Variants in ALG11 observed in about 807,000 individuals in gnomAD.
ALG11 encodes the protein GDP-Man:Man(3)GlcNAc(2)-PP-Dol alpha-1,2-mannosyltransferase.
Under a neutral mutation model 38.8 loss-of-function variants are expected in ALG11, and 26 were observed. That is an observed-to-expected ratio of 0.67 (90% CI 0.49 to 0.93). The LOEUF (loss-of-function observed/expected upper bound fraction) is 0.93. ALG11 is among the 40% of genes least tolerant of loss of function. The probability of loss-of-function intolerance (pLI) is 0.00; values close to 1 mark genes in which losing one functional copy is unlikely to be tolerated. For synonymous variants in ALG11, 199 were observed against 211.6 expected (o/e 0.94, Z 0.52); for missense variants, 535 against 578.8 (o/e 0.92, Z 0.78).
chr13:52,028,882 C>G lies in ALG11; in HGVS notation c.*292C>G. The stretch of plus-strand genomic sequence containing the variant: ...TAGTGGATTTGCCAAAAAACTACCC[C>G]TTGAGTGAAAATGAAGATGAGGGGG... On this transcript the variant is annotated 3_prime_UTR_variant, in exon 4 of 4. Transcript: ENST00000521508. 3.1e-6 allele frequency: 5 copies of G among 1,614,192 alleles called. No homozygotes were observed. Among genetic ancestry groups the G allele is most frequent in the Non-Finnish European group, 4.2e-6 (5 of 1,180,036 alleles).
In ALG11 at chr13:52,031,397, T is replaced by TAA; in HGVS notation, c.*2808_*2809dup. The stretch of plus-strand genomic sequence containing the variant: ...AAAAGAAATTTTAAACAGACTTGTT[T>TAA]AATCGTGTTCTCAAAGCATACAGTC... On this transcript the variant is annotated 3_prime_UTR_variant, in exon 4 of 4. Transcript: ENST00000521508. 1 of 380,744 alleles carries TAA rather than the reference T, an allele frequency of 2.6e-6. No individual in the cohort carries two copies. Among genetic ancestry groups the TAA allele is most frequent in the Non-Finnish European group, 4.9e-6 (1 of 204,656 alleles). 23.6% of individuals were successfully genotyped at this position (380,744 alleles called of 1,614,324 possible).
Position 52,033,579 on chromosome 13 carries a change from T to A in ALG11, c.*4989T>A, listed in dbSNP as rs907991512. 1.8e-5 allele frequency: 3 copies of A among 166,948 alleles called. No homozygotes were observed. 10.3% of individuals were successfully genotyped at this position (166,948 alleles called of 1,614,324 possible). On this transcript the variant is annotated 3_prime_UTR_variant, in exon 4 of 4. Transcript: ENST00000521508. ...TAAAGAAGAAACAAAAATAAAAGTTTGTCTTGCTTGTGAAACATTAAGAAG... is the reference window on the plus strand; with the variant it reads ...TAAAGAAGAAACAAAAATAAAAGTTAGTCTTGCTTGTGAAACATTAAGAAG...
intron 3 of ALG11, among the ~76,000 whole-genome samples, chr13:52,027,943 T>C (rs368056929): frequency 1.3e-5 from 2 of 152,236 alleles, no homozygotes; most frequent in Non-Finnish European, 2.9e-5. Flanking sequence ...GTCTTCCATC[T>C]ACTTGTCTAT....
At position 52,029,850 on chromosome 13, in the gene ALG11, C is replaced by G. The variant is rs750306041; in HGVS notation, c.*1260C>G. 5.0e-6 allele frequency: 8 copies of G among 1,614,048 alleles called. No homozygotes were observed. The East Asian group carries it at 1.6e-4, about 31-fold the overall frequency. ...GAGAGTGAGGAAGAGGAGGGAGGCACAGAAGTGGAAGAACTCCTTGTCCCT... is the reference window on the plus strand; with the variant it reads ...GAGAGTGAGGAAGAGGAGGGAGGCAGAGAAGTGGAAGAACTCCTTGTCCCT... On this transcript the variant is annotated 3_prime_UTR_variant, in exon 4 of 4. Transcript: ENST00000521508.
In ALG11 at chr13:52,031,357, T is replaced by A. The variant is rs1309092558; in HGVS notation, c.*2767T>A. The stretch of plus-strand genomic sequence containing the variant: ...AGTGGATGACCCTTTTGAATATACC[T>A]AATGATTTCCTTAAAAAAGAAATTT... On this transcript the variant is annotated 3_prime_UTR_variant, in exon 4 of 4. Transcript: ENST00000521508. 1 of 513,608 alleles carries A rather than the reference T, an allele frequency of 1.9e-6. No individual in the cohort carries two copies. The highest frequency in any genetic ancestry group is 3.4e-6 in the Non-Finnish European group (1 of 296,326). 31.8% of individuals were successfully genotyped at this position (513,608 alleles called of 1,614,324 possible).
Position 52,024,712 on chromosome 13 carries a change from A to G in ALG11, c.982A>G (p.Lys328Glu). ...QIRAFAKLLN[K>E]KMVESPPSLK... is the part of the protein sequence containing the mutation. ...CAGAGCCTTTGCTAAATTGCTGAAT[A>G]AGAAGATGGTTGAGTCACCTCCTTC... is the stretch of plus-strand genomic sequence containing the variant. The change falls in exon 3 of 4, where the codon AAG (lysine) becomes GAG (glutamate). Residue 328 changes from lysine (K) to glutamate (E), a missense_variant. Transcript: ENST00000521508. The G allele has an allele frequency of 6.2e-7, 1 of 1,614,236 alleles. No individual in the cohort carries two copies. The highest frequency in any genetic ancestry group is 8.5e-7 in the Non-Finnish European group (1 of 1,180,032).
Position 52,030,199 on chromosome 13 carries a change from G to A in ALG11, c.*1609G>A, listed in dbSNP as rs1260884272. On this transcript the variant is annotated 3_prime_UTR_variant, in exon 4 of 4. Transcript: ENST00000521508. ...AATTGAGGGCACTATCTCAGAAATT[G>A]AAGGAAAAACATCAGTCCAGGAAGC... is the stretch of plus-strand genomic sequence containing the variant. The A allele has an allele frequency of 1.9e-6, 3 of 1,614,086 alleles. No individual in the cohort carries two copies. Among genetic ancestry groups the A allele is most frequent in the Non-Finnish European group, 2.5e-6 (3 of 1,180,046 alleles).
rs774331210 is a variant in ALG11 at position 52,024,153 on chromosome 13, T to C, written c.423T>C (p.Asp141=). The C allele has an allele frequency of 1.2e-6, 2 of 1,614,180 alleles. No individual in the cohort carries two copies. The highest frequency in any genetic ancestry group is 1.1e-5 in the South Asian group (1 of 91,090). Residue 141 remains aspartate (D), a synonymous_variant, in exon 3 of 4, where the codon GAT becomes GAC. Coordinates refer to ENST00000521508, the MANE Select transcript of ALG11 (RefSeq NM_001004127.3). ...TAAGGAAACGCTATCTTGTGGAAGATTCACTGTATCCTCACTTCACACTGC... is the reference window on the plus strand; with the variant it reads ...TAAGGAAACGCTATCTTGTGGAAGACTCACTGTATCCTCACTTCACACTGC... ...VFLRKRYLVE[D]SLYPHFTLLG...
In ALG11 at chr13:52,012,470, G is replaced by T. The variant is rs751357001; in HGVS notation, c.44+8G>T. 1 of 1,614,160 alleles carries T rather than the reference G, an allele frequency of 6.2e-7. No individual in the cohort carries two copies. The highest frequency in any genetic ancestry group is 8.5e-7 in the Non-Finnish European group (1 of 1,180,042). ...CCTGTGCAAGTTGTTGAGGTGAGCA[G>T]CCGGTCGTGTGGGCTCACAGACGTT... is the stretch of plus-strand genomic sequence containing the variant. On this transcript the variant is annotated splice_region_variant and intron_variant, in intron 1 of 3. Coordinates refer to ENST00000521508, the MANE Select transcript of ALG11 (RefSeq NM_001004127.3).
chr13:52,014,780 A>G (rs1321846082), intron 1 of ALG11, among the ~76,000 whole-genome samples: 2 of 152,118 alleles, frequency 1.3e-5, no homozygotes, highest in South Asian at 2.1e-4. Flanking sequence ...ACATAGGACA[A>G]CCTCCGCAAC....
rs1270245326 is a variant in ALG11, at chr13:52,028,540, C to A, written c.1429C>A (p.Gln477Lys). 1 of 1,613,988 alleles carries A rather than the reference C, an allele frequency of 6.2e-7. No individual in the cohort carries two copies. The highest frequency in any genetic ancestry group is 8.5e-7 in the Non-Finnish European group (1 of 1,179,980). The change falls in exon 4 of 4, where the codon CAG (glutamine) becomes AAG (lysine). Residue 477 changes from glutamine (Q) to lysine (K), a missense_variant. By Grantham distance (53) the Gln-to-Lys change is moderately conservative (BLOSUM62 1). Coordinates refer to ENST00000521508, the MANE Select transcript of ALG11 (RefSeq NM_001004127.3). Reference protein sequence around the residue: ...ARASVSRFSDQEFEVTFLSSV... With the variant: ...ARASVSRFSDKEFEVTFLSSV... ...TGCATCTGTAAGCAGATTCTCTGAT[C>A]AGGAATTTGAAGTGACATTCCTATC...
rs759428238 is a variant in ALG11, at chr13:52,030,275, G to A, written c.*1685G>A. On this transcript the variant is annotated 3_prime_UTR_variant, in exon 4 of 4. Coordinates refer to ENST00000521508, the MANE Select transcript of ALG11 (RefSeq NM_001004127.3). ...TCCCCAGGTCCAGAGAGAGGAACCT[G>A]CCCCAGAAGAAGCGGAACCCCTATT... is the stretch of plus-strand genomic sequence containing the variant. 1 of 1,614,222 alleles carries A rather than the reference G, an allele frequency of 6.2e-7. No homozygotes were observed. The highest frequency in any genetic ancestry group is 1.1e-5 in the South Asian group (1 of 91,086).
Position 52,024,711 on chromosome 13 carries a change from TAAGAA to T in ALG11, c.982_986del (p.Lys328AspfsTer3). The T allele has an allele frequency of 6.2e-7, 1 of 1,614,220 alleles. No individual in the cohort carries two copies. Among genetic ancestry groups the T allele is most frequent in the Non-Finnish European group, 8.5e-7 (1 of 1,180,024 alleles). ...TCAGAGCCTTTGCTAAATTGCTGAATAAGAAGATGGTTGAGTCACCTCCTTCGCTT... is the reference window on the plus strand; with the variant it reads ...TCAGAGCCTTTGCTAAATTGCTGAATGATGGTTGAGTCACCTCCTTCGCTT... On this transcript the variant is annotated frameshift_variant, in exon 3 of 4. Transcript: ENST00000521508. LOFTEE classifies it high-confidence loss of function.
At chr13:52,018,739 G>C (rs1954156505) in intron 1 of ALG11, among the ~76,000 whole-genome samples, 174 bp from the exon 2 acceptor site, 1 of 152,116 alleles carries the variant, frequency 6.6e-6, no homozygotes, top group Non-Finnish European at 1.5e-5. Context: ...TTTCAATGTT[G>C]GATATTTAGC....
chr13:52,014,322 A>C (rs540653947), intron 1 of ALG11, among the ~76,000 whole-genome samples: 2 of 152,318 alleles, frequency 1.3e-5, no homozygotes, highest in East Asian at 3.9e-4. Flanking sequence ...TGGTTTGGAA[A>C]AGATAGTTTT....
chr13:52,019,378 C>T (rs1269937416), intron 2 of ALG11, among the ~76,000 whole-genome samples: 3 of 151,858 alleles, frequency 2.0e-5, no homozygotes, highest in Non-Finnish European at 2.9e-5. Context: ...CCCGCCACCA[C>T]GTCCGGCTAA....
At chr13:52,026,121 A>G (rs553902852) in intron 3 of ALG11, among the ~76,000 whole-genome samples, 1 of 152,308 alleles carries the variant, frequency 6.6e-6, no homozygotes, top group South Asian at 2.1e-4. Context: ...TATGCTAAGG[A>G]AGTGCAGGGT....
rs1307341412 is a variant in ALG11, at chr13:52,019,082, T to C, written c.214T>C (p.Cys72Arg). The C allele has an allele frequency of 3.1e-6, 5 of 1,614,148 alleles. No homozygotes were observed. In the South Asian group the frequency reaches 4.4e-5, roughly 14 times the overall value. The change falls in exon 2 of 4, where the codon TGC (cysteine) becomes CGC (arginine). Residue 72 changes from cysteine (C) to arginine (R), a missense_variant. Cys to Arg is a radical substitution (Grantham distance 180, BLOSUM62 -3). Transcript: ENST00000521508. ...QMVIAFFHPY[C>R]NAGGGGERVL... ...GGTGATTGCATTTTTTCATCCATAC[T>C]GCAATGCTGGTGGAGGAGGAGAAAG...
Position 52,032,774 on chromosome 13 carries a change from G to A in ALG11, c.*4184G>A, listed in dbSNP as rs1246320912. On this transcript the variant is annotated 3_prime_UTR_variant, in exon 4 of 4. Coordinates refer to ENST00000521508, the MANE Select transcript of ALG11 (RefSeq NM_001004127.3). ...AAATTGGAGTGAAAGGAACCCTACA[G>A]ATTAGCCCAGTTCTCTCTTATTTTC... is the stretch of plus-strand genomic sequence containing the variant. 6.0e-6 allele frequency: 1 copy of A among 167,040 alleles called. No individual in the cohort carries two copies. The highest frequency in any genetic ancestry group is 2.4e-5 in the African/African-American group (1 of 41,444). The allele number at this position is 167,040 out of a possible 1,614,324, so 10.3% of individuals were successfully genotyped here. A position where few individuals can be genotyped will look rare whatever the true frequency, so the allele number is the denominator to read the frequency against.
Sources: allele counts gnomAD v4.1 joint callset (sites outside exome capture counted in the v4.1 genomes callset), GRCh38; gene constraint gnomAD v4.1.1; transcripts MANE v1.5; gene names NCBI Gene and HGNC (gene_info 2026-07-23, HGNC 2026-07-21).